The following NCOR1 variants were observed in gnomAD, a reference collection of about 807,000 sequenced individuals.
The protein encoded by NCOR1 is protein phosphatase 1, regulatory subunit 109.
NCOR1 carries 63 observed loss-of-function variants against 288.1 expected under a neutral mutation model. The observed-to-expected ratio is 0.22, with a 90% confidence interval of 0.18 to 0.27. The LOEUF is 0.27. NCOR1 is among the 10% of genes least tolerant of loss of function. NCOR1 has a pLI of 1.00. For synonymous variants in NCOR1, 1,007 were observed against 1,065.9 expected, an observed-to-expected ratio of 0.94 and a Z score of 1.08; for missense variants, 2,397 against 3,019.2, an observed-to-expected ratio of 0.79 and a Z score of 4.83.
intron 1 of NCOR1, among the ~76,000 whole-genome samples, chr17:16,196,423 A>ACTTTG (rs1405612048): frequency 2.6e-5 from 4 of 152,190 alleles, no homozygotes; most frequent in Admixed American, 6.6e-5. Context: ...TAATCCCAGC[A>ACTTTG]CTTTGGGAAG....
At chr17:16,183,053 T>C (rs1473617585) in intron 3 of NCOR1, among the ~76,000 whole-genome samples, 2 of 151,918 alleles carry the variant, frequency 1.3e-5, no homozygotes, top group African/African-American at 4.8e-5. Context: ...AAAGGCCATT[T>C]GTGAAAATTC....
intron 43 of NCOR1, 110 bp downstream of exon 43, chr17:16,040,331 T>C (rs747689740): frequency 2.3e-6 from 2 of 887,318 alleles, no homozygotes; most frequent in East Asian, 2.6e-5. Context: ...TATTTTTCCA[T>C]ATTAGAGCAG....
chr17:16,064,019 G>C (rs1433830406), intron 35 of NCOR1, 49 bp downstream of exon 35: 2 of 1,604,608 alleles, frequency 1.2e-6, no homozygotes, highest in Non-Finnish European at 1.7e-6. Flanking sequence ...CAGTGTACAA[G>C]ATTACTAAGA....
intron 14 of NCOR1, among the ~76,000 whole-genome samples, chr17:16,132,265 T>A (rs1209432337): frequency 2.0e-5 from 3 of 152,226 alleles, no homozygotes; most frequent in Non-Finnish European, 2.9e-5. Flanking sequence ...TAACATGACT[T>A]GCTTTACTGC....
At chr17:16,203,040 TACACACACAC>T (rs57228948) in intron 1 of NCOR1, among the ~76,000 whole-genome samples, 59,645 of 146,974 alleles carry the variant, frequency 0.41, 13,550 homozygotes, top group Non-Finnish European at 0.52. Flanking sequence ...AGCTGTTCCT[TACACACACAC>T]ACACACACAC....
intron 23 of NCOR1, among the ~76,000 whole-genome samples, chr17:16,081,439 T>C (rs2063401810): frequency 6.6e-6 from 1 of 150,392 alleles, no homozygotes; most frequent in South Asian, 2.1e-4. Context: ...ATGGGCTTTG[T>C]GGCATTTTAA....
intron 10 of NCOR1, among the ~76,000 whole-genome samples, chr17:16,145,357 C>T (rs1316212141): frequency 1.3e-5 from 2 of 150,948 alleles, no homozygotes; most frequent in Non-Finnish European, 2.9e-5. Flanking sequence ...TGCCTGGACG[C>T]CCATCGTCTG....
chr17:16,044,491 T>C (rs2058324450), intron 42 of NCOR1: 1 of 477,440 alleles, frequency 2.1e-6, no homozygotes, highest in South Asian at 1.5e-5. Flanking sequence ...AAGCAGATCG[T>C]CCTTTCCTCA....
chr17:16,065,488 T>C lies in NCOR1; in HGVS notation c.4948A>G (p.Arg1650Gly). Residue 1650 changes from arginine to glycine, a missense_variant, in exon 33 of 46, where the codon AGA becomes GGA. This residue lies in a region of NCOR1 where 1,872 missense variants were observed against 2,187.8 expected (regional missense o/e 0.86). Transcript: ENST00000268712. ...QPLGLPYPAT[R>G]GIIDLTNMPP... ...TCTGAAATGCAAAGACACACACCTCTCGTTGCTGGGTATGGGAGACCCAGT... is the reference window on the plus strand; with the variant it reads ...TCTGAAATGCAAAGACACACACCTCCCGTTGCTGGGTATGGGAGACCCAGT... 1 of 1,614,162 alleles carries C rather than the reference T, an allele frequency of 6.2e-7. No homozygotes were observed. The highest frequency in any genetic ancestry group is 8.5e-7 in the Non-Finnish European group (1 of 1,180,024).
chr17:16,040,807 A>T (rs1425946461), intron 42 of NCOR1: 2 of 344,974 alleles, frequency 5.8e-6, no homozygotes, highest in Non-Finnish European at 1.1e-5. Flanking sequence ...AGGCGGTAGG[A>T]CTGCTTGAGC....
intron 1 of NCOR1, among the ~76,000 whole-genome samples, chr17:16,210,817 C>T (rs2092049966): frequency 6.6e-6 from 1 of 151,938 alleles, no homozygotes; most frequent in Non-Finnish European, 1.5e-5. Flanking sequence ...GCAAGCTCCG[C>T]CTCCCGGGTT....
At chr17:16,059,197 A>G (rs2152565377) in intron 37 of NCOR1, among the ~76,000 whole-genome samples, 1 of 152,306 alleles carries the variant, frequency 6.6e-6, no homozygotes, top group South Asian at 2.1e-4. Flanking sequence ...AGAGGTTAAT[A>G]AACAAATGAG....
intron 26 of NCOR1, among the ~76,000 whole-genome samples, chr17:16,076,853 A>G (rs2062538337): frequency 6.6e-6 from 1 of 152,180 alleles, no homozygotes; most frequent in Non-Finnish European, 1.5e-5. Context: ...AAACCATTAC[A>G]TATGACAAGT....
intron 18 of NCOR1, among the ~76,000 whole-genome samples, chr17:16,112,087 TCTCAATCTC>T (rs1187400292): frequency 1.3e-5 from 2 of 152,060 alleles, no homozygotes. Flanking sequence ...GCCAGGATGG[TCTCAATCTC>T]CTGACCTAAT....
intron 15 of NCOR1, among the ~76,000 whole-genome samples, chr17:16,125,545 A>C (rs1186789340): frequency 1.3e-5 from 2 of 151,822 alleles, no homozygotes; most frequent in African/African-American, 4.8e-5. Flanking sequence ...TACTAAAAAT[A>C]CAAAAAATTA....
intron 44 of NCOR1, among the ~76,000 whole-genome samples, chr17:16,038,210 A>G (rs1296789773): frequency 1.3e-5 from 2 of 152,220 alleles, no homozygotes; most frequent in Non-Finnish European, 2.9e-5. Flanking sequence ...GAAAAGCACA[A>G]GAGATATTCT....
chr17:16,103,408 C>G (rs1171905601), intron 19 of NCOR1, among the ~76,000 whole-genome samples: 2 of 152,216 alleles, frequency 1.3e-5, no homozygotes, highest in Non-Finnish European at 2.9e-5. Context: ...ATAGAGTTGT[C>G]TTTTTAAAAG....
At chr17:16,128,132 C>T (rs1441453126) in intron 14 of NCOR1, among the ~76,000 whole-genome samples, 4 of 152,142 alleles carry the variant, frequency 2.6e-5, no homozygotes, top group South Asian at 2.1e-4. Context: ...TAAAACAGAA[C>T]TCCAACACAT....
chr17:16,153,293 C>A (rs1257753656), intron 7 of NCOR1, 46 bp downstream of exon 7: 2 of 1,416,464 alleles, frequency 1.4e-6, no homozygotes, highest in East Asian at 4.6e-5. Flanking sequence ...AAACTACCAC[C>A]AAAAATTAAA....
Sources: gnomAD v4.1 joint callset for allele counts (sites outside exome capture counted in the v4.1 genomes callset) on GRCh38, gnomAD v4.1.1 for gene constraint, gnomAD v4.1.1 regional missense constraint, MANE v1.5 for transcripts, NCBI Gene and HGNC (gene_info 2026-07-23, HGNC 2026-07-21) for gene names.